Variants in TTC21B observed in about 807,000 individuals in gnomAD.
The protein encoded by TTC21B is tetratricopeptide repeat protein 21B.
In TTC21B, 127 loss-of-function variants were observed where a neutral mutation model predicts 175.1. The observed-to-expected ratio is 0.73, with a 90% CI of 0.63 to 0.84. TTC21B has a LOEUF of 0.84. Among genes scored for constraint, TTC21B ranks in the 40% least tolerant of loss-of-function variants. TTC21B has a pLI of 0.00. For synonymous variants in TTC21B, 524 were observed against 524.5 expected, an observed-to-expected ratio of 1.00 and a Z score of 0.01; for missense variants, 1,561 against 1,558.3, an observed-to-expected ratio of 1.00 and a Z score of -0.03.
chr2:165,933,157 T>C, intron 6 of TTC21B, 100 bp from the exon 7 acceptor site: 1 of 882,184 alleles, frequency 1.1e-6, no homozygotes, highest in South Asian at 1.5e-5. Context: ...ATTCCACTGT[T>C]CAAATAAGTA....
At chr2:165,906,254 T>TAAAAAAAAA (rs1163343694) in intron 19 of TTC21B, among the ~76,000 whole-genome samples, 1 of 45,320 alleles carries the variant, frequency 2.2e-5, no homozygotes, top group Non-Finnish European at 4.0e-5. Context: ...TTCAAGAGGC[T>TAAAAAAAAA]AAAAAAAAAA....
chr2:165,909,760 T>C (rs1278777293), intron 18 of TTC21B, among the ~76,000 whole-genome samples: 1 of 152,160 alleles, frequency 6.6e-6, no homozygotes, highest in Non-Finnish European at 1.5e-5. Context: ...TAAATGTCTA[T>C]TCCAATATGA....
intron 19 of TTC21B, among the ~76,000 whole-genome samples, chr2:165,903,453 C>T (rs149073288): frequency 6.6e-6 from 1 of 152,162 alleles, no homozygotes; most frequent in Non-Finnish European, 1.5e-5. Context: ...CCATGGGAAG[C>T]TACTATGCCA....
intron 6 of TTC21B, among the ~76,000 whole-genome samples, chr2:165,936,466 T>C (rs938551389): frequency 6.6e-6 from 1 of 152,052 alleles, no homozygotes; most frequent in Non-Finnish European, 1.5e-5. Flanking sequence ...AAGCTGGACT[T>C]CATTAAAATT....
At chr2:165,905,430 G>A (rs1049014489) in intron 19 of TTC21B, among the ~76,000 whole-genome samples, 2 of 151,992 alleles carry the variant, frequency 1.3e-5, no homozygotes, top group African/African-American at 2.4e-5. Flanking sequence ...ATAAGGACAC[G>A]TAAAATTGAA....
rs138656848 is a variant in TTC21B at position 165,873,908 on chromosome 2, T to C, written c.*847A>G. On this transcript the variant is annotated 3_prime_UTR_variant, in exon 29 of 29. Coordinates refer to ENST00000243344, the MANE Select transcript of TTC21B (RefSeq NM_024753.5). ...GGGAGCTTACCCTGATTTGCAAAAC[T>C]TACCACATCTTTTGAGTTCCAAGAG... is the stretch of plus-strand genomic sequence containing the variant. 6.6e-6 allele frequency: 1 copy of C among 152,108 alleles called. No homozygotes were observed. Among genetic ancestry groups the C allele is most frequent in the Non-Finnish European group, 1.5e-5 (1 of 68,000 alleles). 9.4% of individuals were successfully genotyped at this position (152,108 alleles called of 1,614,324 possible). A position where few individuals can be genotyped will look rare whatever the true frequency, so the allele number is the denominator to read the frequency against.
rs1283514650 is a variant in TTC21B at position 165,953,681 on chromosome 2, T to TCACCCGCC, written c.21+3_21+4insGGCGGGTG. On this transcript the variant is annotated splice_donor_region_variant and intron_variant, in intron 1 of 28. Coordinates refer to ENST00000243344, the MANE Select transcript of TTC21B (RefSeq NM_024753.5). ...CTCACCCGCTCACCCGCTCACCCGC[T>TCACCCGCC]CACCTTCAATTCCTGCGAGTCCATG... 5 of 1,504,976 alleles carry TCACCCGCC rather than the reference T, an allele frequency of 3.3e-6. No individual in the cohort carries two copies. The highest frequency in any genetic ancestry group is 4.5e-6 in the Non-Finnish European group (5 of 1,122,562). 93.2% of individuals were successfully genotyped at this position (1,504,976 alleles called of 1,614,324 possible). A position where few individuals can be genotyped will look rare whatever the true frequency, so the allele number is the denominator to read the frequency against.
At chr2:165,895,641 G>A (rs6761355) in intron 22 of TTC21B, among the ~76,000 whole-genome samples, 68,664 of 151,894 alleles carry the variant, frequency 0.45, 15,945 homozygotes, top group South Asian at 0.54. Context: ...GGAACACAAG[G>A]TAGAAATGGC....
At chr2:165,924,018 G>C (rs899075177) in intron 12 of TTC21B, among the ~76,000 whole-genome samples, 1 of 152,068 alleles carries the variant, frequency 6.6e-6, no homozygotes, top group Admixed American at 6.5e-5. Flanking sequence ...CTCCCAATGT[G>C]TTGGGATTAC....
chr2:165,912,734 T>C (rs948549706), intron 16 of TTC21B, 110 bp from the exon 17 acceptor site: 16 of 848,744 alleles, frequency 1.9e-5, no homozygotes, highest in Non-Finnish European at 2.8e-5. Flanking sequence ...TACATAAGAC[T>C]TGGCATATAT....
chr2:165,908,310 C>T (rs555308593), intron 18 of TTC21B, among the ~76,000 whole-genome samples: 1 of 152,264 alleles, frequency 6.6e-6, no homozygotes, highest in East Asian at 1.9e-4. Context: ...AGTTCCCTCT[C>T]ATCTGTAAAA....
At chr2:165,894,238 C>T (rs1419335475) in intron 22 of TTC21B, among the ~76,000 whole-genome samples, 3 of 152,024 alleles carry the variant, frequency 2.0e-5, no homozygotes, top group Non-Finnish European at 2.9e-5. Context: ...AAGCTCAAGG[C>T]GATCTGGAGA....
chr2:165,900,568 T>C (rs1685525787), intron 20 of TTC21B, among the ~76,000 whole-genome samples: 1 of 152,154 alleles, frequency 6.6e-6, no homozygotes, highest in African/African-American at 2.4e-5. Flanking sequence ...ACCAAAATTA[T>C]CTTTACATTT....
rs1391327980 is a variant in TTC21B at position 165,888,302 on chromosome 2, A to G, written c.3436T>C (p.Phe1146Leu). The G allele has an allele frequency of 1.2e-6, 2 of 1,613,640 alleles. No homozygotes were observed. The highest frequency in any genetic ancestry group is 1.3e-5 in the African/African-American group (1 of 75,040). Residue 1146 changes from phenylalanine to leucine, a missense_variant, in exon 25 of 29, where the codon TTC becomes CTC. Transcript: ENST00000243344. The stretch of plus-strand genomic sequence containing the variant: ...ACCTCAGATGCTGCTATTTCAGTGA[A>G]GGTATTTAATGCTTGTTCAACATTA... ...KSNVEQALNT[F>L]TEIAASEKEH...
intron 6 of TTC21B, among the ~76,000 whole-genome samples, chr2:165,937,944 A>G (rs1188558456): frequency 1.3e-5 from 2 of 152,068 alleles, no homozygotes; most frequent in African/African-American, 4.8e-5. Flanking sequence ...AATGACTGAT[A>G]CCTACTTGGG....
intron 6 of TTC21B, among the ~76,000 whole-genome samples, chr2:165,933,388 C>T (rs1686984106): frequency 6.6e-6 from 1 of 152,174 alleles, no homozygotes; most frequent in African/African-American, 2.4e-5. Context: ...TGACTTATTA[C>T]AGGAATTCCG....
chr2:165,906,338 A>T (rs2105311624), intron 19 of TTC21B, among the ~76,000 whole-genome samples: 1 of 151,596 alleles, frequency 6.6e-6, no homozygotes, highest in African/African-American at 2.4e-5. Flanking sequence ...TAAAACATTT[A>T]ATGAAGCCAG....
intron 18 of TTC21B, among the ~76,000 whole-genome samples, chr2:165,908,768 T>C (rs545183336): frequency 3.3e-5 from 5 of 152,252 alleles, no homozygotes; most frequent in South Asian, 2.1e-4. Flanking sequence ...AAATATAATA[T>C]ACCCATTGTA....
chr2:165,884,675 T>TG (rs1020254453), intron 25 of TTC21B, among the ~76,000 whole-genome samples: 1 of 152,238 alleles, frequency 6.6e-6, no homozygotes, highest in Non-Finnish European at 1.5e-5. Flanking sequence ...ACAATCTATA[T>TG]GATATTCTTT....
Sources: gnomAD v4.1 joint callset for allele counts (sites outside exome capture counted in the v4.1 genomes callset) on GRCh38, gnomAD v4.1.1 for gene constraint, MANE v1.5 for transcripts, NCBI Gene and HGNC (gene_info 2026-07-23, HGNC 2026-07-21) for gene names.